Variants in TLK1 observed in about 807,000 individuals in gnomAD.
TLK1 encodes the protein serine/threonine-protein kinase tousled-like 1.
TLK1 carries 24 observed loss-of-function variants against 105.3 expected under a neutral mutation model. The observed-to-expected ratio is 0.23, with a 90% CI of 0.17 to 0.32. The LOEUF (loss-of-function observed/expected upper bound fraction) is 0.32, where lower values mean the gene tolerates loss of function less well. TLK1 is among the 10% of genes least tolerant of loss of function. TLK1 has a pLI of 1.00. For synonymous variants in TLK1, 321 were observed against 310.4 expected (o/e 1.03, Z -0.36); for missense variants, 558 against 910.5 (o/e 0.61, Z 4.98).
chr2:171,012,495 T>A (rs1684967624), intron 13 of TLK1, among the ~76,000 whole-genome samples: 1 of 152,162 alleles, frequency 6.6e-6, no homozygotes, highest in Non-Finnish European at 1.5e-5. Flanking sequence ...ATTTATTTTT[T>A]TATTTTTTGG....
At chr2:171,017,624 G>A (rs550437755) in intron 12 of TLK1, among the ~76,000 whole-genome samples, 33 of 150,858 alleles carry the variant, frequency 2.2e-4, no homozygotes, top group African/African-American at 7.7e-4. Context: ...ACTTGTTAAA[G>A]AAAGTAAAAT....
chr2:171,023,999 CACAGGTAGATAAAATAGG>C (rs1685658191), intron 12 of TLK1, among the ~76,000 whole-genome samples: 1 of 152,158 alleles, frequency 6.6e-6, no homozygotes, highest in Admixed American at 6.6e-5. Context: ...TCCACATGGG[CACAGGTAGATAAAATAGG>C]ATCATTTAGA....
At chr2:171,021,249 C>CA (rs1685486324) in intron 12 of TLK1, among the ~76,000 whole-genome samples, 1 of 127,384 alleles carries the variant, frequency 7.9e-6, no homozygotes, top group Non-Finnish European at 1.7e-5. Context: ...AACTGATTGG[C>CA]AAAATTTAAA....
At position 170,993,759 on chromosome 2, in the gene TLK1, C is replaced by A; in HGVS notation, c.*21G>T. 6.7e-7 allele frequency: 1 copy of A among 1,491,130 alleles called. No homozygotes were observed. The highest frequency in any genetic ancestry group is 2.0e-5 in the Admixed American group (1 of 50,112). 92.4% of individuals were successfully genotyped at this position (1,491,130 alleles called of 1,614,324 possible). On this transcript the variant is annotated 3_prime_UTR_variant, in exon 21 of 21. Coordinates refer to ENST00000431350, the MANE Select transcript of TLK1 (RefSeq NM_012290.5). ...CATCTGGAAGCAAATTCAAAGATAT[C>A]ATGCCAATCTTGGAGGAAAGTCAGT... is the stretch of plus-strand genomic sequence containing the variant.
intron 11 of TLK1, among the ~76,000 whole-genome samples, chr2:171,034,011 A>G (rs563000177): frequency 1.1e-4 from 17 of 152,284 alleles, no homozygotes; most frequent in African/African-American, 4.1e-4. Flanking sequence ...CAAACACATT[A>G]AAAGATGTTC....
At chr2:171,177,780 T>C (rs951603579) in intron 1 of TLK1, among the ~76,000 whole-genome samples, 2 of 152,118 alleles carry the variant, frequency 1.3e-5, no homozygotes, top group African/African-American at 2.4e-5. Flanking sequence ...ATAGCATCCA[T>C]ACTTTACTAA....
intron 12 of TLK1, among the ~76,000 whole-genome samples, chr2:171,021,269 C>G (rs200361234): frequency 3.2e-5 from 1 of 31,004 alleles, no homozygotes. Context: ...ATATCTGGCA[C>G]ACTTGTCTTA....
chr2:171,202,588 G>A (rs2105320868), intron 1 of TLK1, among the ~76,000 whole-genome samples: 1 of 151,906 alleles, frequency 6.6e-6, no homozygotes, highest in Non-Finnish European at 1.5e-5. Context: ...GAAACCCTGT[G>A]TCTACTAAAA....
chr2:171,114,692 G>A (rs537574097), intron 2 of TLK1, among the ~76,000 whole-genome samples: 12 of 152,142 alleles, frequency 7.9e-5, no homozygotes, highest in South Asian at 6.2e-4. Context: ...AAAATTAGCC[G>A]GGCACGGTGG....
rs373796060 is a variant in TLK1 at position 171,115,170 on chromosome 2, C to CTTTTTTTTTTTTTT, written c.258+2568_258+2569insAAAAAAAAAAAAAA. Among the ~76,000 whole-genome samples the CTTTTTTTTTTTTTT allele has an allele frequency of 1.8e-4, 24 of 135,758 alleles. 1 individual carries two copies. The highest frequency in any genetic ancestry group is 4.2e-4 in the African/African-American group (14 of 33,132). 89.1% of individuals were successfully genotyped at this position (135,758 alleles called of 152,430 possible). On this transcript the variant is annotated intron_variant, in intron 2 of 20. Coordinates refer to ENST00000431350, the MANE Select transcript of TLK1 (RefSeq NM_012290.5). Reference sequence around the variant, plus strand: ...ATCTTGCTTCATCTTTTAAGAATTTCTTTCTTTTTTTTTTTTTTGAGACTG... The same window carrying CTTTTTTTTTTTTTT: ...ATCTTGCTTCATCTTTTAAGAATTTCTTTTTTTTTTTTTTTTTCTTTTTTTTTTTTTTGAGACTG...
At chr2:171,106,924 T>C (rs1384244608) in intron 2 of TLK1, among the ~76,000 whole-genome samples, 1 of 152,046 alleles carries the variant, frequency 6.6e-6, no homozygotes, top group African/African-American at 2.4e-5. Flanking sequence ...ATTTTCCCTA[T>C]TGTCACAAAA....
chr2:171,019,532 C>T (rs553139624), intron 12 of TLK1, among the ~76,000 whole-genome samples: 6 of 152,092 alleles, frequency 3.9e-5, no homozygotes, highest in Non-Finnish European at 8.8e-5. Context: ...AAAAATTAAA[C>T]TTGCTAGTTT....
At chr2:171,104,460 C>A (rs1323982242) in intron 2 of TLK1, among the ~76,000 whole-genome samples, 1 of 152,030 alleles carries the variant, frequency 6.6e-6, no homozygotes, top group Non-Finnish European at 1.5e-5. Context: ...TGGAAGAATA[C>A]TGTGAAAATG....
At chr2:171,035,110 G>A (rs950132848) in intron 11 of TLK1, among the ~76,000 whole-genome samples, 2 of 152,112 alleles carry the variant, frequency 1.3e-5, no homozygotes, top group African/African-American at 2.4e-5. Context: ...GGAAGCCGAG[G>A]AGGGTGGATC....
intron 20 of TLK1, among the ~76,000 whole-genome samples, chr2:170,994,894 T>A (rs1683980910): frequency 6.6e-6 from 1 of 152,224 alleles, no homozygotes; most frequent in South Asian, 2.1e-4. Flanking sequence ...AGGAGGTAAC[T>A]GGTAATTGTT....
intron 13 of TLK1, among the ~76,000 whole-genome samples, chr2:171,013,139 A>G (rs1685001773): frequency 6.6e-6 from 1 of 151,522 alleles, no homozygotes; most frequent in Non-Finnish European, 1.5e-5. Flanking sequence ...CAGCCTCCCA[A>G]GTAGCTGGGA....
intron 1 of TLK1, among the ~76,000 whole-genome samples, chr2:171,215,253 CTT>C (rs1693692162): frequency 6.6e-6 from 1 of 152,152 alleles, no homozygotes; most frequent in Non-Finnish European, 1.5e-5. Flanking sequence ...TCTCTCAACT[CTT>C]TCAGTATCCT....
At chr2:171,058,272 T>A in intron 4 of TLK1, 75 bp from the exon 5 acceptor site, 1 of 1,297,390 alleles carries the variant, frequency 7.7e-7, no homozygotes, top group Non-Finnish European at 1.1e-6. Flanking sequence ...CCGCAGGACA[T>A]CAGCTATCAA....
chr2:170,994,087 TAAA>T (rs750378705), intron 20 of TLK1, 131 bp from the exon 21 acceptor site: 2 of 940,440 alleles, frequency 2.1e-6, no homozygotes. Flanking sequence ...GTTCAAACCT[TAAA>T]AAAAAAATTC....
Sources: gnomAD v4.1 joint callset for allele counts (sites outside exome capture counted in the v4.1 genomes callset) on GRCh38, gnomAD v4.1.1 for gene constraint, MANE v1.5 for transcripts, NCBI Gene and HGNC (gene_info 2026-07-23, HGNC 2026-07-21) for gene names.